Variants in SLC9A8 observed in about 807,000 individuals in gnomAD.
SLC9A8 encodes the protein solute carrier family 9 member A8.
SLC9A8 carries 48 observed loss-of-function variants against 66.6 expected under a neutral mutation model. The ratio of observed to expected loss-of-function variants is 0.72; its 90% CI spans 0.57 to 0.92. The LOEUF (loss-of-function observed/expected upper bound fraction) is 0.92, where lower values mean the gene tolerates loss of function less well. Ranked by LOEUF, SLC9A8 falls within the 40% of genes least tolerant of loss-of-function variation. The pLI, the probability that SLC9A8 is intolerant of heterozygous loss-of-function variation, is 0.00. For synonymous variants in SLC9A8, 274 were observed against 282.6 expected, an observed-to-expected ratio of 0.97 and a Z score of 0.31; for missense variants, 599 against 747.3, an observed-to-expected ratio of 0.80 and a Z score of 2.31.
At chr20:49,829,522 CAAA>C (rs796458184) in intron 3 of SLC9A8, 30 of 232,752 alleles carry the variant, frequency 1.3e-4, no homozygotes, top group South Asian at 3.5e-4. Context: ...GACTCCATCT[CAAA>C]AAAAAAAAAG....
Position 49,812,870 on chromosome 20 carries a change from G to A in SLC9A8, c.-53G>A. 6 of 1,493,690 alleles carry A rather than the reference G, an allele frequency of 4.0e-6. No homozygotes were observed. Among genetic ancestry groups the A allele is most frequent in the Non-Finnish European group, 5.3e-6 (6 of 1,123,972 alleles). The allele number at this position is 1,493,690 out of a possible 1,614,324, so 92.5% of individuals were successfully genotyped here. A position where few individuals can be genotyped will look rare whatever the true frequency, so the allele number is the denominator to read the frequency against. On this transcript the variant is annotated 5_prime_UTR_variant, in exon 1 of 16. Transcript: ENST00000361573. The stretch of plus-strand genomic sequence containing the variant: ...TCCAGCGGAAGCCGGAAGCAAAAGC[G>A]GGTCCTGCTAGCCCCGCGGCTCCGA...
chr20:49,835,594 A>G (rs2087498275), intron 3 of SLC9A8, among the ~76,000 whole-genome samples: 1 of 151,846 alleles, frequency 6.6e-6, no homozygotes, highest in African/African-American at 2.4e-5. Context: ...GACATTTCGT[A>G]TAAAGAAATA....
Position 49,889,495 on chromosome 20 carries a change from G to C in SLC9A8, c.*1559G>C, listed in dbSNP as rs775055478. 1 of 152,274 alleles carries C rather than the reference G, an allele frequency of 6.6e-6. No homozygotes were observed. Among genetic ancestry groups the C allele is most frequent in the Non-Finnish European group, 1.5e-5 (1 of 68,072 alleles). 9.4% of individuals were successfully genotyped at this position (152,274 alleles called of 1,614,324 possible). On this transcript the variant is annotated 3_prime_UTR_variant, in exon 16 of 16. Coordinates refer to ENST00000361573, the MANE Select transcript of SLC9A8 (RefSeq NM_015266.3). Reference sequence around the variant, plus strand: ...AGGGACTGACCTCAGGACCTTCCAGGTTCCTCTGTGCCAGGAATGAGAGGC... The same window carrying C: ...AGGGACTGACCTCAGGACCTTCCAGCTTCCTCTGTGCCAGGAATGAGAGGC...
At chr20:49,844,224 A>G (rs1487367206) in intron 4 of SLC9A8, among the ~76,000 whole-genome samples, 1 of 152,190 alleles carries the variant, frequency 6.6e-6, no homozygotes, top group Admixed American at 6.5e-5. Flanking sequence ...ATCACATCAG[A>G]CTTTGGAAAA....
rs748857896 is a variant in SLC9A8 at position 49,886,930 on chromosome 20, G to C, written c.1638+32G>C. The C allele has an allele frequency of 4.4e-6, 7 of 1,596,876 alleles. No individual in the cohort carries two copies. In the African/African-American group the frequency reaches 9.4e-5, roughly 21 times the overall value. ...TACCGGCCAGGCCACACTTTCTGGG[G>C]GTCCCTTGCCTGCCTCCTTCAGGAC... On this transcript the variant is annotated intron_variant, in intron 15 of 15. Transcript: ENST00000361573. The surrounding 1 kb of genome is among the most constrained non-coding windows in gnomAD (Gnocchi z 4.8).
At chr20:49,863,660 T>C (rs1477155074) in intron 9 of SLC9A8, among the ~76,000 whole-genome samples, 1 of 152,264 alleles carries the variant, frequency 6.6e-6, no homozygotes, top group East Asian at 1.9e-4. Context: ...GTGTGTTCCA[T>C]TGAGTTATTT....
intron 10 of SLC9A8, among the ~76,000 whole-genome samples, chr20:49,865,429 C>G (rs2088921670): frequency 6.6e-6 from 1 of 152,098 alleles, no homozygotes; most frequent in South Asian, 2.1e-4. Flanking sequence ...TATGCTGATA[C>G]CAGCCCTGTG....
chr20:49,884,087 G>A, intron 14 of SLC9A8, 21 bp downstream of exon 14: 1 of 1,608,194 alleles, frequency 6.2e-7, no homozygotes, highest in Non-Finnish European at 8.5e-7. Context: ...TGCGCCTGTG[G>A]GGGTGGGGCA....
intron 6 of SLC9A8, among the ~76,000 whole-genome samples, chr20:49,850,426 T>A (rs6095689): frequency 0.018 from 2,695 of 152,326 alleles, 81 homozygotes; most frequent in African/African-American, 0.062. Context: ...CTTTAACACA[T>A]CAGCTGCTTT....
At chr20:49,874,155 G>A (rs1044863295) in intron 10 of SLC9A8, among the ~76,000 whole-genome samples, 3 of 152,062 alleles carry the variant, frequency 2.0e-5, no homozygotes, top group African/African-American at 4.8e-5. Flanking sequence ...TCAGGAGGCC[G>A]AGGCAGGAGG....
At chr20:49,869,559 C>T (rs953860307) in intron 10 of SLC9A8, among the ~76,000 whole-genome samples, 1 of 149,986 alleles carries the variant, frequency 6.7e-6, no homozygotes, top group East Asian at 2.1e-4. Context: ...ATGGGCCAGG[C>T]GCAGTGGCTC....
intron 4 of SLC9A8, among the ~76,000 whole-genome samples, chr20:49,842,054 A>ATT (rs1433284422): frequency 8.0e-4 from 112 of 140,702 alleles, no homozygotes; most frequent in Admixed American, 1.3e-3. Context: ...ATTTTATTTT[A>ATT]TTTTATTTTT....
At chr20:49,853,869 G>A (rs888377497) in intron 7 of SLC9A8, among the ~76,000 whole-genome samples, 1 of 152,216 alleles carries the variant, frequency 6.6e-6, no homozygotes, top group Non-Finnish European at 1.5e-5. Context: ...TTCACAGGCA[G>A]CTACCATGGA....
intron 10 of SLC9A8, among the ~76,000 whole-genome samples, chr20:49,865,963 G>A (rs1666423699): frequency 6.6e-6 from 1 of 152,174 alleles, no homozygotes; most frequent in Non-Finnish European, 1.5e-5. Context: ...TATTAACTTC[G>A]TTGAGGTATA....
At chr20:49,812,991 G>T in intron 1 of SLC9A8, 43 bp downstream of exon 1, 1 of 1,368,470 alleles carries the variant, frequency 7.3e-7, no homozygotes. Context: ...GCGGGGCTGG[G>T]CCCCGGCGGG....
chr20:49,875,905 T>C (rs1197859345), intron 11 of SLC9A8, among the ~76,000 whole-genome samples: 1 of 152,080 alleles, frequency 6.6e-6, no homozygotes, highest in African/African-American at 2.4e-5. Context: ...TGACTAATTT[T>C]GTTTTTTGTA....
At chr20:49,813,825 G>A (rs943048286) in intron 1 of SLC9A8, among the ~76,000 whole-genome samples, 3 of 152,222 alleles carry the variant, frequency 2.0e-5, no homozygotes, top group African/African-American at 7.2e-5. Context: ...GCTTTTGAGT[G>A]ACAGGCAGCA....
In SLC9A8 at chr20:49,884,115, G is replaced by A. The variant is rs572293415; in HGVS notation, c.1491+49G>A. The A allele has an allele frequency of 6.5e-5, 100 of 1,533,042 alleles. 3 individuals are homozygous for A. In the South Asian group the frequency reaches 7.3e-4, roughly 11 times the overall value. The allele number at this position is 1,533,042 out of a possible 1,614,324, so 95.0% of individuals were successfully genotyped here. A position where few individuals can be genotyped will look rare whatever the true frequency, so the allele number is the denominator to read the frequency against. On this transcript the variant is annotated intron_variant, in intron 14 of 15. Transcript: ENST00000361573. ...GTGGGGCAGGGGGCTGGCCTGCTAC[G>A]CAGCTGGTGGTCCCCACTGTCAGGA...
intron 5 of SLC9A8, among the ~76,000 whole-genome samples, chr20:49,847,368 A>G (rs1314674076): frequency 6.7e-6 from 1 of 150,280 alleles, no homozygotes; most frequent in African/African-American, 2.4e-5. Context: ...TAGAGCATGT[A>G]AAGTTTTTCT....
Sources: gnomAD v4.1 joint callset for allele counts (sites outside exome capture counted in the v4.1 genomes callset) on GRCh38, gnomAD v4.1.1 for gene constraint, Gnocchi (gnomAD v3.1) non-coding constraint, MANE v1.5 for transcripts, NCBI Gene and HGNC (gene_info 2026-07-23, HGNC 2026-07-21) for gene names.